PRDX4: variants seen among roughly 807,000 people sequenced by gnomAD.
PRDX4 encodes peroxiredoxin 4.
PRDX4 carries 12 observed loss-of-function variants against 20.5 expected under a neutral mutation model. The observed-to-expected ratio is 0.58, with a 90% CI of 0.37 to 0.95. PRDX4 has a LOEUF of 0.95. PRDX4 is among the 40% of genes least tolerant of loss of function. PRDX4 has a pLI of 0.01. For synonymous variants in PRDX4, 99 were observed against 87.5 expected (o/e 1.13, Z -0.73); for missense variants, 180 against 207.3 (o/e 0.87, Z 0.81).
chrX:23,672,885 C>T (rs777658383), intron 2 of PRDX4, among the ~76,000 whole-genome samples: 75 of 111,906 alleles, frequency 6.7e-4, no homozygotes, highest in African/African-American at 2.3e-3. Context: ...AGGAAGAATT[C>T]TCATGAAAAT....
chrX:23,682,853 A>AAAAAAAAAAAAATATAT (rs1555933130), intron 5 of PRDX4, among the ~76,000 whole-genome samples: 1 of 14,878 alleles, frequency 6.7e-5, no homozygotes. Context: ...AAAAAAAAAA[A>AAAAAAAAAAAAATATAT]ATATATATAT....
Position 23,667,597 on chromosome X carries a change from G to A in PRDX4, c.27G>A (p.Ala9=). MEALPLLA[A]TTPDHGRHRR... ...TGGAGGCGCTGCCGCTGCTAGCCGC[G>A]ACAACTCCGGACCACGGCCGCCACC... Residue 9 remains alanine (A), a synonymous_variant, in exon 1 of 7, where the codon GCG becomes GCA. Coordinates refer to ENST00000379341, the MANE Select transcript of PRDX4 (RefSeq NM_006406.2). 1 of 1,191,577 alleles carries A rather than the reference G, an allele frequency of 8.4e-7. No homozygotes were observed. Among genetic ancestry groups the A allele is most frequent in the Non-Finnish European group, 1.1e-6 (1 of 885,842 alleles).
At chrX:23,677,104 C>A (rs182911191) in intron 3 of PRDX4, among the ~76,000 whole-genome samples, 41 of 111,660 alleles carry the variant, frequency 3.7e-4, no homozygotes, top group African/African-American at 1.3e-3. Context: ...TGCATATCCA[C>A]TAAGGAAAAA....
intron 3 of PRDX4, among the ~76,000 whole-genome samples, chrX:23,677,074 A>C (rs1927963927): frequency 9.0e-6 from 1 of 111,231 alleles, no homozygotes. Context: ...TAGTAATTAT[A>C]AATCTTCCGA....
Position 23,683,668 on chromosome X carries a change from T to C in PRDX4, c.731-3T>C, listed in dbSNP as rs1224781425. 2 of 1,204,737 alleles carry C rather than the reference T, an allele frequency of 1.7e-6. No homozygotes were observed. The highest frequency in any genetic ancestry group is 3.5e-5 in the African/African-American group (2 of 56,749). The stretch of plus-strand genomic sequence containing the variant: ...GTCTTCTGCCTCTTTTTGTTTCTTT[T>C]AGTCTGCCCTGCTGGCTGGAAACCT... On this transcript the variant is annotated splice_polypyrimidine_tract_variant and splice_region_variant and intron_variant, in intron 5 of 6. Coordinates refer to ENST00000379341, the MANE Select transcript of PRDX4 (RefSeq NM_006406.2).
intron 6 of PRDX4, 99 bp downstream of exon 6, chrX:23,683,804 G>A: frequency 1.5e-6 from 1 of 681,644 alleles, no homozygotes; most frequent in Non-Finnish European, 2.1e-6. Flanking sequence ...CAGCACTTTG[G>A]GAGGCTGAGG....
At chrX:23,679,062 G>A in intron 3 of PRDX4, 103 bp from the exon 4 acceptor site, 1 of 864,136 alleles carries the variant, frequency 1.2e-6, no homozygotes, top group Non-Finnish European at 1.6e-6. Flanking sequence ...GTGAAAGAAT[G>A]TGTGTATTTC....
At chrX:23,671,384 C>G (rs45454794) in intron 1 of PRDX4, 145 bp from the exon 2 acceptor site, 2 of 409,050 alleles carry the variant, frequency 4.9e-6, no homozygotes, top group Non-Finnish European at 8.4e-6. Context: ...TTCAATAACA[C>G]TCTTTTAAGA....
At chrX:23,684,779 G>GT (rs1171143131) in intron 6 of PRDX4, among the ~76,000 whole-genome samples, 3 of 111,184 alleles carry the variant, frequency 2.7e-5, no homozygotes, top group African/African-American at 9.8e-5. Flanking sequence ...TGGGATTACA[G>GT]GCATGAGGCA....
intron 4 of PRDX4, among the ~76,000 whole-genome samples, chrX:23,681,994 T>C (rs1415603461): frequency 8.9e-6 from 1 of 112,248 alleles, no homozygotes; most frequent in African/African-American, 3.2e-5. Context: ...TGAGCCGAGA[T>C]CATGCCACTG....
intron 3 of PRDX4, among the ~76,000 whole-genome samples, chrX:23,678,625 G>A (rs900033185): frequency 2.0e-4 from 22 of 110,596 alleles, no homozygotes; most frequent in East Asian, 8.5e-4. Flanking sequence ...GCAAGACTCC[G>A]TCTCAGAAAA....
chrX:23,679,075 G>A, intron 3 of PRDX4, 90 bp from the exon 4 acceptor site: 2 of 924,289 alleles, frequency 2.2e-6, no homozygotes, highest in East Asian at 3.1e-5. Context: ...TGTATTTCAT[G>A]TGTGTGCGTG....
chrX:23,679,505 T>C (rs1345663364), intron 4 of PRDX4, among the ~76,000 whole-genome samples: 1 of 109,091 alleles, frequency 9.2e-6, no homozygotes, highest in African/African-American at 3.4e-5. Context: ...GCCAACATGG[T>C]GAAACCCTGT....
At position 23,675,032 on chromosome X, in the gene PRDX4, A is replaced by G; in HGVS notation, c.402A>G (p.Arg134=). Residue 134 remains arginine, a synonymous_variant, in exon 3 of 7, where the codon AGA becomes AGG. Transcript: ENST00000379341. ...CTGAAATTATCGCTTTTGGCGACAG[A>G]CTTGAAGAATTCAGATCTATAAATA... ...CPTEIIAFGD[R]LEEFRSINTE... 2 of 1,211,065 alleles carry G rather than the reference A, an allele frequency of 1.7e-6. No homozygotes were observed. The highest frequency in any genetic ancestry group is 2.2e-6 in the Non-Finnish European group (2 of 895,196).
chrX:23,682,415 G>T lies in PRDX4; in HGVS notation c.619G>T (p.Asp207Tyr). 1.7e-6 allele frequency: 2 copies of T among 1,169,623 alleles called. No individual in the cohort carries two copies. Residue 207 changes from aspartate to tyrosine, a missense_variant, in exon 5 of 7, where the codon GAC becomes TAC. This residue lies in a region of PRDX4 where 73 missense variants were observed against 76.5 expected (regional missense o/e 0.95). Coordinates refer to ENST00000379341, the MANE Select transcript of PRDX4 (RefSeq NM_006406.2). ...TTACAGAGGTCTCTTCATTATTGAT[G>T]ACAAAGGAATCCTAAGACAAATTAC... ...HTLRGLFIIDDKGILRQITLN... is the reference protein window; with the variant it reads ...HTLRGLFIIDYKGILRQITLN...
intron 6 of PRDX4, among the ~76,000 whole-genome samples, chrX:23,684,046 T>TAAAA (rs1263215466): frequency 3.7e-5 from 1 of 26,866 alleles, no homozygotes; most frequent in African/African-American, 1.4e-4. Flanking sequence ...AGACTCCTTC[T>TAAAA]CAAAAAAAAA....
chrX:23,678,276 AAAGAAAG>A lies in PRDX4; in HGVS notation c.477-886_477-880del, dbSNP rs767870720. Among the ~76,000 whole-genome samples the A allele has an allele frequency of 6.7e-3, 700 of 104,014 alleles. 31 individuals are homozygous for A. The Admixed American group carries it at 0.075, about 11-fold the overall frequency. The allele number at this position is 104,014 out of a possible 115,157, so 90.3% of individuals were successfully genotyped here. ...AGCAAGACTCCATCTCAAAAAAAAA[AAAGAAAG>A]AAAGAAACAACCCCATCTTAAGTCA... On this transcript the variant is annotated intron_variant, in intron 3 of 6. Coordinates refer to ENST00000379341, the MANE Select transcript of PRDX4 (RefSeq NM_006406.2).
rs1928011963 is a variant in PRDX4, at chrX:23,679,249, C to A, written c.561C>A (p.Asp187Glu). ...ATTTGACCCATCAGATCTCAAAGGA[C>A]TATGGTGTATACCTAGAGGACTCAG... ...LSDLTHQISK[D>E]YGVYLEDSGH... The change falls in exon 4 of 7, where the codon GAC becomes GAA. Residue 187 changes from aspartate (D) to glutamate (E), a missense_variant. By Grantham distance (45) the Asp-to-Glu change is conservative. Coordinates refer to ENST00000379341, the MANE Select transcript of PRDX4 (RefSeq NM_006406.2). The A allele has an allele frequency of 3.3e-6, 4 of 1,207,789 alleles. No individual in the cohort carries two copies. The East Asian group carries it at 8.9e-5, about 27-fold the overall frequency.
At chrX:23,679,120 T>C in intron 3 of PRDX4, 45 bp from the exon 4 acceptor site, 2 of 1,182,949 alleles carry the variant, frequency 1.7e-6, no homozygotes, top group Non-Finnish European at 2.3e-6. Flanking sequence ...TTTTAATATA[T>C]GCCGTTTACT....
Sources: allele counts gnomAD v4.1 joint callset (sites outside exome capture counted in the v4.1 genomes callset), GRCh38; gene constraint gnomAD v4.1.1; regional missense constraint gnomAD v4.1.1; transcripts MANE v1.5; gene names NCBI Gene and HGNC (gene_info 2026-07-23, HGNC 2026-07-21).